Variants in SCUBE1 observed in about 807,000 individuals in gnomAD.
The protein encoded by SCUBE1 is signal peptide, CUB and EGF-like domain-containing protein 1.
SCUBE1 carries 59 observed loss-of-function variants against 124.4 expected under a neutral mutation model. The ratio of observed to expected loss-of-function variants is 0.47; its 90% CI spans 0.38 to 0.59. The LOEUF is 0.59. Ranked by LOEUF, SCUBE1 falls within the 20% of genes least tolerant of loss-of-function variation. The pLI, the probability that SCUBE1 is intolerant of heterozygous loss-of-function variation, is 0.00. For synonymous variants in SCUBE1, 545 were observed against 550.9 expected (o/e 0.99, Z 0.15); for missense variants, 1,150 against 1,371.2 (o/e 0.84, Z 2.55).
At chr22:43,305,495 C>A (rs1349455739) in intron 3 of SCUBE1, among the ~76,000 whole-genome samples, 1 of 152,054 alleles carries the variant, frequency 6.6e-6, no homozygotes, top group Non-Finnish European at 1.5e-5. Flanking sequence ...CCGGGACAGG[C>A]CGGGAGGAGG....
chr22:43,254,350 T>C (rs559648021), intron 6 of SCUBE1, among the ~76,000 whole-genome samples: 7 of 152,164 alleles, frequency 4.6e-5, no homozygotes, highest in Non-Finnish European at 7.3e-5. Context: ...TGAAGCCTCC[T>C]CAGCAGCACA....
rs766261303 is a variant in SCUBE1 at position 43,198,742 on chromosome 22, A to C, written c.*5255T>G. ...TGGCTGGACTCCCTGGGTGAGAAGG[A>C]AGGCTTCTCCCTGTGGGGCATGCAC... On this transcript the variant is annotated 3_prime_UTR_variant, in exon 22 of 22. Transcript: ENST00000360835. 5.7e-5 allele frequency: 26 copies of C among 456,380 alleles called. No individual in the cohort carries two copies. The highest frequency in any genetic ancestry group is 1.4e-4 in the African/African-American group (7 of 50,062). The allele number at this position is 456,380 out of a possible 1,614,324, so 28.3% of individuals were successfully genotyped here.
chr22:43,228,454 C>A (rs1601812396), intron 9 of SCUBE1, among the ~76,000 whole-genome samples: 1 of 152,142 alleles, frequency 6.6e-6, no homozygotes, highest in Non-Finnish European at 1.5e-5. Context: ...CATATCACAC[C>A]CCTGCTTAAA....
intron 3 of SCUBE1, among the ~76,000 whole-genome samples, chr22:43,316,201 T>A (rs1926342039): frequency 6.6e-6 from 1 of 152,202 alleles, no homozygotes; most frequent in South Asian, 2.1e-4. Flanking sequence ...ATAGGGACTA[T>A]GCCTTCCATT....
chr22:43,239,965 G>A (rs1922937865), intron 6 of SCUBE1, among the ~76,000 whole-genome samples: 1 of 152,200 alleles, frequency 6.6e-6, no homozygotes, highest in African/African-American at 2.4e-5. Context: ...CTGCGTTTCT[G>A]CAGGCTGGGG....
At chr22:43,231,713 G>C (rs762540859) in intron 8 of SCUBE1, 40 bp downstream of exon 8, 1 of 1,540,678 alleles carries the variant, frequency 6.5e-7, no homozygotes, top group Non-Finnish European at 8.8e-7. Flanking sequence ...GCACGATCCC[G>C]CTGGGCCCGA....
chr22:43,247,046 T>C (rs1317167280), intron 6 of SCUBE1, among the ~76,000 whole-genome samples: 1 of 152,220 alleles, frequency 6.6e-6, no homozygotes, highest in African/African-American at 2.4e-5. Context: ...AGCCCACCAC[T>C]ATGACCTGAC....
At chr22:43,305,100 G>A (rs768123413) in intron 3 of SCUBE1, among the ~76,000 whole-genome samples, 2 of 152,106 alleles carry the variant, frequency 1.3e-5, no homozygotes, top group African/African-American at 2.4e-5. Flanking sequence ...CCATCTTGGC[G>A]ACGTGATTCT....
intron 4 of SCUBE1, among the ~76,000 whole-genome samples, chr22:43,267,885 G>A (rs967106530): frequency 5.9e-5 from 9 of 152,238 alleles, no homozygotes; most frequent in Non-Finnish European, 1.2e-4. Flanking sequence ...CTGGGGCCAT[G>A]AGGGCTAAGT....
At chr22:43,295,082 A>G (rs1487302134) in intron 3 of SCUBE1, among the ~76,000 whole-genome samples, 2 of 152,138 alleles carry the variant, frequency 1.3e-5, no homozygotes, top group Non-Finnish European at 2.9e-5. Flanking sequence ...ATGAATCCAA[A>G]GCCCTCCCTC....
At chr22:43,341,935 G>A (rs1927330302) in intron 1 of SCUBE1, among the ~76,000 whole-genome samples, 1 of 152,076 alleles carries the variant, frequency 6.6e-6, no homozygotes, top group African/African-American at 2.4e-5. Context: ...ACTCAGAGGT[G>A]AGGGACCCCA....
chr22:43,325,231 C>T (rs117335966), intron 2 of SCUBE1, among the ~76,000 whole-genome samples: 6 of 151,948 alleles, frequency 3.9e-5, no homozygotes, highest in East Asian at 1.9e-4. Context: ...GCTCTATTCC[C>T]GCATTTGGAG....
intron 2 of SCUBE1, among the ~76,000 whole-genome samples, chr22:43,329,252 C>A (rs1926825993): frequency 6.6e-6 from 1 of 152,266 alleles, no homozygotes; most frequent in Non-Finnish European, 1.5e-5. Context: ...CCAGGTCTGC[C>A]CGCAGGGCTG....
At chr22:43,307,378 G>C (rs182458186) in intron 3 of SCUBE1, among the ~76,000 whole-genome samples, 3 of 152,364 alleles carry the variant, frequency 2.0e-5, no homozygotes, top group Admixed American at 1.3e-4. Context: ...GGACACCCTG[G>C]AGGAGGAAAG....
At chr22:43,289,605 T>C (rs749782023) in intron 4 of SCUBE1, among the ~76,000 whole-genome samples, 1 of 152,246 alleles carries the variant, frequency 6.6e-6, no homozygotes, top group Non-Finnish European at 1.5e-5. Context: ...TCAGGAACTG[T>C]TTTCTAATGA....
chr22:43,307,491 AG>A (rs1191237550), intron 3 of SCUBE1, among the ~76,000 whole-genome samples: 1 of 152,214 alleles, frequency 6.6e-6, no homozygotes, highest in African/African-American at 2.4e-5. Flanking sequence ...TGCTGGGACA[AG>A]GAGGACACGG....
chr22:43,222,608 C>T, intron 12 of SCUBE1, 30 bp downstream of exon 12: 1 of 1,474,784 alleles, frequency 6.8e-7, no homozygotes, highest in Non-Finnish European at 9.1e-7. Context: ...CACCCAGTGG[C>T]ATGCAGCATG....
chr22:43,267,039 A>C (rs746117260), intron 4 of SCUBE1, among the ~76,000 whole-genome samples: 1 of 152,212 alleles, frequency 6.6e-6, no homozygotes, highest in Non-Finnish European at 1.5e-5. Context: ...AAACGAGGTG[A>C]CAATATCGAG....
At chr22:43,213,100 A>G (rs1037140615) in intron 16 of SCUBE1, 1 of 162,020 alleles carries the variant, frequency 6.2e-6, no homozygotes, top group Non-Finnish European at 1.3e-5. Flanking sequence ...AAGGGAGGGG[A>G]CCACAGGAAA....
Sources: gnomAD v4.1 joint callset for allele counts (sites outside exome capture counted in the v4.1 genomes callset) on GRCh38, gnomAD v4.1.1 for gene constraint, MANE v1.5 for transcripts, NCBI Gene and HGNC (gene_info 2026-07-23, HGNC 2026-07-21) for gene names.